DHRS13: variants seen among roughly 807,000 people sequenced by gnomAD.
The protein encoded by DHRS13 is dehydrogenase/reductase SDR family member 13.
A neutral mutation model predicts 17.9 loss-of-function variants in DHRS13; 22 were observed. The observed-to-expected ratio is 1.23, with a 90% CI of 0.88 to 1.75. The LOEUF (loss-of-function observed/expected upper bound fraction) is 1.75, where lower values mean the gene tolerates loss of function less well. Ranked by LOEUF, DHRS13 falls within the 40% of genes most tolerant of loss-of-function variation. The probability of loss-of-function intolerance (pLI) is 0.00; values close to 1 mark genes in which losing one functional copy is unlikely to be tolerated. For missense variants in DHRS13, 483 were observed against 519.9 expected (o/e 0.93, Z 0.69); for synonymous variants, 206 against 220.4 (o/e 0.93, Z 0.58).
chr17:28,900,647 C>T (rs568092063), intron 4 of DHRS13, among the ~76,000 whole-genome samples: 3 of 152,284 alleles, frequency 2.0e-5, no homozygotes, highest in East Asian at 3.9e-4. Context: ...AGTAGGTACT[C>T]GGTAAATGCT....
rs761909064 is a variant in DHRS13, at chr17:28,901,158, C to T, written c.514G>A (p.Ala172Thr). ...PSRVVVVASA[A>T]HCRGRLDFKR... ...AAGTCAAGACGTCCCCGACAGTGGGCAGCTGAGGCTACCACCACCACGCGG... is the reference window on the plus strand; with the variant it reads ...AAGTCAAGACGTCCCCGACAGTGGGTAGCTGAGGCTACCACCACCACGCGG... The change falls in exon 4 of 5, where the codon GCC becomes ACC. Residue 172 changes from alanine to threonine, a missense_variant. Transcript: ENST00000378895. The surrounding 1 kb of genome is among the most constrained non-coding windows in gnomAD (Gnocchi z 4.3). 26 of 1,614,210 alleles carry T rather than the reference C, an allele frequency of 1.6e-5. No individual in the cohort carries two copies. The highest frequency in any genetic ancestry group is 2.1e-5 in the Non-Finnish European group (25 of 1,180,028).
chr17:28,901,441 T>C lies in DHRS13; in HGVS notation c.370+52A>G, dbSNP rs2039804270. The C allele has an allele frequency of 1.2e-6, 2 of 1,610,780 alleles. No individual in the cohort carries two copies. The highest frequency in any genetic ancestry group is 1.7e-5 in the Admixed American group (1 of 59,750). On this transcript the variant is annotated intron_variant, in intron 3 of 4. Coordinates refer to ENST00000378895, the MANE Select transcript of DHRS13 (RefSeq NM_144683.4). The surrounding 1 kb of genome is among the most constrained non-coding windows in gnomAD (Gnocchi z 4.3). ...CAGGGCCCCCGCTGGAGGGGGCAGT[T>C]GCCCCTGGCCACCCGCCACCCCACC... is the stretch of plus-strand genomic sequence containing the variant.
rs770417842 is a variant in DHRS13 at position 28,901,204 on chromosome 17, G to A, written c.468C>T (p.Cys156=). The change falls in exon 4 of 5, where the codon TGC becomes TGT. Residue 156 remains cysteine, a synonymous_variant. Transcript: ENST00000378895. The surrounding 1 kb of genome is among the most constrained non-coding windows in gnomAD (Gnocchi z 4.3). ...CGCGGCTAGGGGCACATGCCTTCAG[G>A]CAAGGCAGCAGCAGATGTGTCAGCA... ...PFLLTHLLLP[C]LKACAPSRVV... is the part of the protein sequence containing the mutation. 6.2e-7 allele frequency: 1 copy of A among 1,614,208 alleles called. No homozygotes were observed. Among genetic ancestry groups the A allele is most frequent in the Non-Finnish European group, 8.5e-7 (1 of 1,180,024 alleles).
Position 28,902,708 on chromosome 17 carries a change from A to G in DHRS13, c.128-7T>C. 1 of 1,354,912 alleles carries G rather than the reference A, an allele frequency of 7.4e-7. No homozygotes were observed. The highest frequency in any genetic ancestry group is 9.4e-7 in the Non-Finnish European group (1 of 1,061,628). The allele number at this position is 1,354,912 out of a possible 1,614,324, so 83.9% of individuals were successfully genotyped here. ...CCGATGCCGCTGTTGGCGCCTGCGG[A>G]CCGCGGGCGGGAGCCGAGCTGAGCT... On this transcript the variant is annotated splice_region_variant and splice_polypyrimidine_tract_variant and intron_variant, in intron 1 of 4. Coordinates refer to ENST00000378895, the MANE Select transcript of DHRS13 (RefSeq NM_144683.4). The surrounding 1 kb of genome is among the most constrained non-coding windows in gnomAD (Gnocchi z 4.0).
In DHRS13 at chr17:28,897,829, C is replaced by T. The variant is rs527411580; in HGVS notation, c.*612G>A. The T allele has an allele frequency of 2.2e-4, 64 of 290,066 alleles. No homozygotes were observed. Among genetic ancestry groups the T allele is most frequent in the African/African-American group, 1.2e-3 (54 of 45,122 alleles). The allele number at this position is 290,066 out of a possible 1,614,324, so 18.0% of individuals were successfully genotyped here. A position where few individuals can be genotyped will look rare whatever the true frequency, so the allele number is the denominator to read the frequency against. ...CCGAGGGGCTTCAGATACAGATGACCCCAGCCCTGCATCCGCCCGGAAGGC... is the reference window on the plus strand; with the variant it reads ...CCGAGGGGCTTCAGATACAGATGACTCCAGCCCTGCATCCGCCCGGAAGGC... On this transcript the variant is annotated 3_prime_UTR_variant, in exon 5 of 5. Coordinates refer to ENST00000378895, the MANE Select transcript of DHRS13 (RefSeq NM_144683.4). This position sits in a 1 kb window ranked among gnomAD's most constrained non-coding sequence, Gnocchi z 4.4.
Position 28,901,458 on chromosome 17 carries a change from C to T in DHRS13, c.370+35G>A. Reference sequence around the variant, plus strand: ...GGGGCAGTTGCCCCTGGCCACCCGCCACCCCACCCCCACGCAGGGCCTGCT... The same window carrying T: ...GGGGCAGTTGCCCCTGGCCACCCGCTACCCCACCCCCACGCAGGGCCTGCT... On this transcript the variant is annotated intron_variant, in intron 3 of 4. Transcript: ENST00000378895. The surrounding 1 kb of genome is among the most constrained non-coding windows in gnomAD (Gnocchi z 4.3). 1.9e-6 allele frequency: 3 copies of T among 1,612,570 alleles called. No individual in the cohort carries two copies. The highest frequency in any genetic ancestry group is 2.5e-6 in the Non-Finnish European group (3 of 1,179,622).
intron 4 of DHRS13, 92 bp downstream of exon 4, chr17:28,900,898 G>A: frequency 4.5e-6 from 6 of 1,335,014 alleles, no homozygotes; most frequent in South Asian, 1.4e-5. Context: ...CTCAATGAGG[G>A]ATGGAGGGTG....
Position 28,901,738 on chromosome 17 carries a change from GT to G in DHRS13, c.247-123del. The G allele has an allele frequency of 1.4e-6, 2 of 1,472,434 alleles. No individual in the cohort carries two copies. Among genetic ancestry groups the G allele is most frequent in the Non-Finnish European group, 1.8e-6 (2 of 1,101,650 alleles). The allele number at this position is 1,472,434 out of a possible 1,614,324, so 91.2% of individuals were successfully genotyped here. A position where few individuals can be genotyped will look rare whatever the true frequency, so the allele number is the denominator to read the frequency against. On this transcript the variant is annotated intron_variant, in intron 2 of 4. Transcript: ENST00000378895. The surrounding 1 kb of genome is among the most constrained non-coding windows in gnomAD (Gnocchi z 4.3). ...CTAAAATCTGCCCCTGTGTCTTAGA[GT>G]GTACTAGATAAGTGTGTGGATTCAA...
Position 28,899,050 on chromosome 17 carries a change from C to A in DHRS13, c.683-158G>T, listed in dbSNP as rs1338414323. On this transcript the variant is annotated intron_variant, in intron 4 of 4. Transcript: ENST00000378895. This position sits in a 1 kb window ranked among gnomAD's most constrained non-coding sequence, Gnocchi z 4.7. ...AGCTCTGTCTCTTTAAAAAAAAAAA[C>A]AACAACAAAAAAAATAGAACAGAGC... The A allele has an allele frequency of 1.8e-5, 11 of 611,496 alleles. No individual in the cohort carries two copies. The highest frequency in any genetic ancestry group is 7.6e-5 in the African/African-American group (4 of 52,386). 37.9% of individuals were successfully genotyped at this position (611,496 alleles called of 1,614,324 possible).
chr17:28,901,137 C>T lies in DHRS13; in HGVS notation c.535G>A (p.Asp179Asn), dbSNP rs1358531995. ...ASAAHCRGRL[D>N]FKRLDRPVVG... ...ACTGGGCGGTCCAGGCGTTTGAAGT[C>T]AAGACGTCCCCGACAGTGGGCAGCT... Residue 179 changes from aspartate to asparagine, a missense_variant, in exon 4 of 5, where the codon GAC (aspartate) becomes AAC (asparagine). Asp to Asn is a conservative substitution (Grantham distance 23). Coordinates refer to ENST00000378895, the MANE Select transcript of DHRS13 (RefSeq NM_144683.4). The surrounding 1 kb of genome is among the most constrained non-coding windows in gnomAD (Gnocchi z 4.3). 2 of 1,614,080 alleles carry T rather than the reference C, an allele frequency of 1.2e-6. No individual in the cohort carries two copies. The highest frequency in any genetic ancestry group is 1.7e-6 in the Non-Finnish European group (2 of 1,180,034).
rs781307875 is a variant in DHRS13, at chr17:28,902,566, C to T, written c.246+17G>A. ...GGTTCTCGGCTCACCGTCCCACGCG[C>T]CCCCGCTGCCTCTCACCTGGCGGAG... On this transcript the variant is annotated intron_variant, in intron 2 of 4. Coordinates refer to ENST00000378895, the MANE Select transcript of DHRS13 (RefSeq NM_144683.4). The surrounding 1 kb of genome is among the most constrained non-coding windows in gnomAD (Gnocchi z 4.0). 6.8e-6 allele frequency: 10 copies of T among 1,475,126 alleles called. No homozygotes were observed. In the South Asian group the frequency reaches 1.3e-4, roughly 19 times the overall value. The allele number at this position is 1,475,126 out of a possible 1,614,324, so 91.4% of individuals were successfully genotyped here.
In DHRS13 at chr17:28,901,415, G is replaced by A. The variant is rs138520255; in HGVS notation, c.370+78C>T. On this transcript the variant is annotated intron_variant, in intron 3 of 4. Transcript: ENST00000378895. This position sits in a 1 kb window ranked among gnomAD's most constrained non-coding sequence, Gnocchi z 4.3. ...CCTTCCCATGTGTCCACTGGCCCCA[G>A]CAGGGCCCCCGCTGGAGGGGGCAGT... 5 of 1,604,108 alleles carry A rather than the reference G, an allele frequency of 3.1e-6. No homozygotes were observed. Among genetic ancestry groups the A allele is most frequent in the Non-Finnish European group, 4.3e-6 (5 of 1,175,152 alleles).
In DHRS13 at chr17:28,898,429, C is replaced by T; in HGVS notation, c.*12G>A. On this transcript the variant is annotated 3_prime_UTR_variant, in exon 5 of 5. Coordinates refer to ENST00000378895, the MANE Select transcript of DHRS13 (RefSeq NM_144683.4). ...ACCATGAAGTGCCATGGCAAGCATC[C>T]TGGCCTGAGGGTTAGGAGAGCTGGA... 6.5e-7 allele frequency: 1 copy of T among 1,549,324 alleles called. No homozygotes were observed. Among genetic ancestry groups the T allele is most frequent in the Non-Finnish European group, 8.7e-7 (1 of 1,146,538 alleles).
At chr17:28,900,846 T>G in intron 4 of DHRS13, 144 bp downstream of exon 4, 1 of 932,160 alleles carries the variant, frequency 1.1e-6, no homozygotes, top group Non-Finnish European at 1.6e-6. Context: ...GGAACAGGTC[T>G]CTCCTTGGAC....
chr17:28,902,754 ACCGCCGGCC>A lies in DHRS13; in HGVS notation c.127+55_128-54del. 9 of 1,389,714 alleles carry A rather than the reference ACCGCCGGCC, an allele frequency of 6.5e-6. No homozygotes were observed. The highest frequency in any genetic ancestry group is 8.3e-6 in the Non-Finnish European group (9 of 1,080,948). The allele number at this position is 1,389,714 out of a possible 1,614,324, so 86.1% of individuals were successfully genotyped here. ...GAGCTGAGCCCGGCGGGCCGCTGCTACCGCCGGCCCGGCCTCCTCTCCGCGCGCCCCGCC... is the reference window on the plus strand; with the variant it reads ...GAGCTGAGCCCGGCGGGCCGCTGCTACGGCCTCCTCTCCGCGCGCCCCGCC... On this transcript the variant is annotated intron_variant, in intron 1 of 4. Transcript: ENST00000378895. This position sits in a 1 kb window ranked among gnomAD's most constrained non-coding sequence, Gnocchi z 4.0.
rs1305727315 is a variant in DHRS13, at chr17:28,902,691, G to A, written c.138C>T (p.Ser46=). The change falls in exon 2 of 5, where the codon AGC becomes AGT. Residue 46 remains serine (S), a synonymous_variant. Transcript: ENST00000378895. This position sits in a 1 kb window ranked among gnomAD's most constrained non-coding sequence, Gnocchi z 4.0. ...GRTAVVTGAN[S]GIGKMTALEL... ...CCAGCGCCGTCATCTTTCCGATGCC[G>A]CTGTTGGCGCCTGCGGACCGCGGGC... The A allele has an allele frequency of 4.4e-6, 6 of 1,374,694 alleles. No individual in the cohort carries two copies. The highest frequency in any genetic ancestry group is 3.3e-5 in the South Asian group (2 of 60,152). 85.2% of individuals were successfully genotyped at this position (1,374,694 alleles called of 1,614,324 possible).
At chr17:28,900,891 A>T in intron 4 of DHRS13, 99 bp downstream of exon 4, 1 of 1,291,924 alleles carries the variant, frequency 7.7e-7, no homozygotes, top group East Asian at 2.4e-5. Context: ...TCTGTGACTC[A>T]ATGAGGGATG....
chr17:28,899,922 C>CT lies in DHRS13; in HGVS notation c.683-1031dup, dbSNP rs905966976. 8.3e-5 allele frequency among the ~76,000 whole-genome samples: 12 copies of CT among 144,926 alleles called. No homozygotes were observed. Among genetic ancestry groups the CT allele is most frequent in the Non-Finnish European group, 1.2e-4 (8 of 65,732 alleles). ...AGGTTTTCTTTTTTTTTTCTTTTTT[C>CT]TTTTTTTTTGAGATGGAGTCTTGCT... On this transcript the variant is annotated intron_variant, in intron 4 of 4. Coordinates refer to ENST00000378895, the MANE Select transcript of DHRS13 (RefSeq NM_144683.4). This position sits in a 1 kb window ranked among gnomAD's most constrained non-coding sequence, Gnocchi z 4.7.
chr17:28,900,875 TGA>T, intron 4 of DHRS13, 113 bp downstream of exon 4: 1 of 1,183,428 alleles, frequency 8.5e-7, no homozygotes, highest in Non-Finnish European at 1.2e-6. Flanking sequence ...CTTGCTGCCC[TGA>T]GATTCTGTGA....
Sources: allele counts gnomAD v4.1 joint callset (sites outside exome capture counted in the v4.1 genomes callset), GRCh38; gene constraint gnomAD v4.1.1; non-coding constraint Gnocchi (gnomAD v3.1); transcripts MANE v1.5; gene names NCBI Gene and HGNC (gene_info 2026-07-23, HGNC 2026-07-21).